JMJD1C: variants seen among roughly 807,000 people sequenced by gnomAD.
JMJD1C encodes the protein jumonji domain containing 1C.
In JMJD1C, 31 loss-of-function variants were observed where a neutral mutation model predicts 245.3. The ratio of observed to expected loss-of-function variants is 0.13; its 90% CI spans 0.09 to 0.17. JMJD1C has a LOEUF of 0.17. Ranked by LOEUF, JMJD1C falls within the 10% of genes least tolerant of loss-of-function variation. JMJD1C has a pLI of 1.00. For synonymous variants in JMJD1C, 1,057 were observed against 1,017.4 expected (o/e 1.04, Z -0.74); for missense variants, 2,691 against 3,000.2 (o/e 0.90, Z 2.41).
chr10:63,393,754 T>C (rs540987439), intron 1 of JMJD1C, among the ~76,000 whole-genome samples: 1 of 152,294 alleles, frequency 6.6e-6, no homozygotes, highest in East Asian at 1.9e-4. Flanking sequence ...AATGTGGAAT[T>C]TATATACAAA....
At chr10:63,405,423 C>A (rs1455154821) in intron 1 of JMJD1C, among the ~76,000 whole-genome samples, 1 of 149,638 alleles carries the variant, frequency 6.7e-6, no homozygotes, top group Non-Finnish European at 1.5e-5. Context: ...AAAGCTCAAG[C>A]GATTCTCATG....
chr10:63,264,622 A>C, intron 3 of JMJD1C, 29 bp downstream of exon 3: 4 of 983,430 alleles, frequency 4.1e-6, no homozygotes, highest in Non-Finnish European at 6.2e-6. Flanking sequence ...TTAACCTTTA[A>C]TTTTAAAAAG....
chr10:63,418,346 T>G (rs991094674), intron 1 of JMJD1C, among the ~76,000 whole-genome samples: 7 of 152,250 alleles, frequency 4.6e-5, no homozygotes, highest in African/African-American at 7.2e-5. Context: ...TCATCTATCC[T>G]GCATACAGTT....
rs1484876070 is a variant in JMJD1C, at chr10:63,213,610, A to C, written c.2557T>G (p.Ser853Ala). ...GGATAAAGTCCAAGCTGATTATATG[A>C]AGCAGAAGGATGGGCTTGTCCAAGA... is the stretch of plus-strand genomic sequence containing the variant. ...HLLGQAHPSA[S>A]YNQLGLYPII... The change falls in exon 8 of 26, where the codon TCA (serine) becomes GCA (alanine). Residue 853 changes from serine to alanine, a missense_variant. By Grantham distance (99) the Ser-to-Ala change is moderately conservative. Coordinates refer to ENST00000399262, the MANE Select transcript of JMJD1C (RefSeq NM_032776.3). 6.2e-7 allele frequency: 1 copy of C among 1,614,154 alleles called. No homozygotes were observed. The highest frequency in any genetic ancestry group is 1.1e-5 in the South Asian group (1 of 91,084).
chr10:63,301,361 A>T (rs949850111), intron 2 of JMJD1C, among the ~76,000 whole-genome samples: 8 of 152,196 alleles, frequency 5.3e-5, no homozygotes, highest in African/African-American at 1.7e-4. Context: ...AACATTCAAA[A>T]ATATGAAGAA....
At chr10:63,445,585 T>C (rs1951665655) in intron 1 of JMJD1C, among the ~76,000 whole-genome samples, 1 of 152,306 alleles carries the variant, frequency 6.6e-6, no homozygotes, top group South Asian at 2.1e-4. Flanking sequence ...TCTCAGCCCA[T>C]TATAAGGCCT....
chr10:63,297,449 T>C (rs1211772631), intron 2 of JMJD1C, among the ~76,000 whole-genome samples: 1 of 152,224 alleles, frequency 6.6e-6, no homozygotes, highest in Non-Finnish European at 1.5e-5. Context: ...CACTCCTCTC[T>C]GTCTTGCTCA....
intron 1 of JMJD1C, among the ~76,000 whole-genome samples, chr10:63,447,250 G>C (rs1377998352): frequency 6.6e-6 from 1 of 152,056 alleles, no homozygotes; most frequent in Non-Finnish European, 1.5e-5. Context: ...GCACTCAAAG[G>C]TTTATAGCTT....
chr10:63,389,504 T>C (rs1184131540), intron 1 of JMJD1C, among the ~76,000 whole-genome samples: 2 of 150,568 alleles, frequency 1.3e-5, no homozygotes, highest in East Asian at 3.9e-4. Context: ...GACAGAAAAT[T>C]AGCAAAGAAA....
At chr10:63,318,442 T>C (rs756163995) in intron 2 of JMJD1C, among the ~76,000 whole-genome samples, 1 of 152,172 alleles carries the variant, frequency 6.6e-6, no homozygotes, top group East Asian at 1.9e-4. Context: ...ACATTTCTCT[T>C]ATGTTAATGT....
intron 3 of JMJD1C, among the ~76,000 whole-genome samples, chr10:63,250,081 C>T (rs1306131800): frequency 2.6e-5 from 4 of 152,040 alleles, no homozygotes; most frequent in African/African-American, 9.7e-5. Context: ...ATAATCATAG[C>T]TCACTACAGC....
intron 2 of JMJD1C, among the ~76,000 whole-genome samples, chr10:63,318,959 A>T (rs753834671): frequency 2.0e-5 from 3 of 152,106 alleles, no homozygotes; most frequent in Non-Finnish European, 4.4e-5. Context: ...CTGAATGACA[A>T]CTTGGTGGGA....
In JMJD1C at chr10:63,186,671, G is replaced by A. The variant is rs188807413; in HGVS notation, c.6571-288C>T. Among the ~76,000 whole-genome samples the A allele has an allele frequency of 1.6e-3, 245 of 152,242 alleles. 2 individuals carry two copies. The highest frequency in any genetic ancestry group is 3.4e-3 in the Middle Eastern group (1 of 294). Reference sequence around the variant, plus strand: ...TCACAGCTTTCTTACACTTGGTGGCGGAGGGTAGATGTCCTCTCCACCCAA... The same window carrying A: ...TCACAGCTTTCTTACACTTGGTGGCAGAGGGTAGATGTCCTCTCCACCCAA... On this transcript the variant is annotated intron_variant, in intron 18 of 25. Coordinates refer to ENST00000399262, the MANE Select transcript of JMJD1C (RefSeq NM_032776.3).
chr10:63,194,532 A>G (rs888705404), intron 13 of JMJD1C, 157 bp from the exon 14 acceptor site: 2 of 545,084 alleles, frequency 3.7e-6, no homozygotes, highest in African/African-American at 3.8e-5. Context: ...TAAAATGTCA[A>G]TGATATGCTT....
chr10:63,203,305 T>C, intron 10 of JMJD1C: 1 of 982,512 alleles, frequency 1.0e-6, no homozygotes, highest in Non-Finnish European at 1.2e-6. Flanking sequence ...AAGTTTGAGA[T>C]TAAGACACTT....
At chr10:63,331,718 T>G (rs780738728) in intron 2 of JMJD1C, among the ~76,000 whole-genome samples, 1 of 152,196 alleles carries the variant, frequency 6.6e-6, no homozygotes, top group Non-Finnish European at 1.5e-5. Context: ...GTTCAAGTGA[T>G]TCTCATGCCT....
intron 2 of JMJD1C, among the ~76,000 whole-genome samples, chr10:63,328,950 C>T (rs767299918): frequency 6.6e-6 from 1 of 152,046 alleles, no homozygotes; most frequent in Non-Finnish European, 1.5e-5. Context: ...CTTGTGAAAA[C>T]ACTGTATTCA....
intron 2 of JMJD1C, among the ~76,000 whole-genome samples, chr10:63,297,939 T>C (rs1056652848): frequency 5.3e-5 from 8 of 152,196 alleles, no homozygotes; most frequent in Admixed American, 4.6e-4. Flanking sequence ...AACACCCTTT[T>C]TGGGGGCTCT....
At chr10:63,488,262 T>C (rs61853616) in intron 1 of JMJD1C, among the ~76,000 whole-genome samples, 41 of 152,222 alleles carry the variant, frequency 2.7e-4, no homozygotes, top group Non-Finnish European at 4.9e-4. Context: ...TGCCCTTATT[T>C]CAAACAAAGT....
Sources: gnomAD v4.1 joint callset for allele counts (sites outside exome capture counted in the v4.1 genomes callset) on GRCh38, gnomAD v4.1.1 for gene constraint, MANE v1.5 for transcripts, NCBI Gene and HGNC (gene_info 2026-07-23, HGNC 2026-07-21) for gene names.